Variants in EPHA5 observed in about 807,000 individuals in gnomAD.
The protein encoded by EPHA5 is ephrin type-A receptor 5.
In EPHA5, 60 loss-of-function variants were observed where a neutral mutation model predicts 105.0. The ratio of observed to expected loss-of-function variants is 0.57; its 90% CI spans 0.46 to 0.71. The LOEUF (loss-of-function observed/expected upper bound fraction) is 0.71. Ranked by LOEUF, EPHA5 falls within the 30% of genes least tolerant of loss-of-function variation. EPHA5 has a pLI of 0.00. For missense variants in EPHA5, 1,218 were observed against 1,274.7 expected (o/e 0.96, Z 0.68); for synonymous variants, 513 against 449.1 (o/e 1.14, Z -1.80).
At chr4:65,565,439 T>C (rs560727655) in intron 3 of EPHA5, among the ~76,000 whole-genome samples, 4 of 151,884 alleles carry the variant, frequency 2.6e-5, no homozygotes, top group South Asian at 2.1e-4. Context: ...AAAAGTCATA[T>C]AAATGTTTTT....
At chr4:65,347,144 A>T (rs1382448469) in intron 14 of EPHA5, among the ~76,000 whole-genome samples, 2 of 151,684 alleles carry the variant, frequency 1.3e-5, no homozygotes, top group Admixed American at 6.6e-5. Flanking sequence ...TGAGAGAGGG[A>T]GGTTTTATGG....
At chr4:65,454,778 G>A (rs762186296) in intron 5 of EPHA5, among the ~76,000 whole-genome samples, 10 of 152,204 alleles carry the variant, frequency 6.6e-5, no homozygotes, top group Non-Finnish European at 1.3e-4. Flanking sequence ...TTTAGTGGAA[G>A]TGCATTCAAA....
chr4:65,474,949 G>T (rs1000421791), intron 5 of EPHA5, among the ~76,000 whole-genome samples: 1 of 152,092 alleles, frequency 6.6e-6, no homozygotes, highest in Admixed American at 6.6e-5. Flanking sequence ...AAAATGGTTT[G>T]TCATCTATTT....
intron 8 of EPHA5, among the ~76,000 whole-genome samples, chr4:65,376,130 C>T (rs1718979463): frequency 6.6e-6 from 1 of 151,920 alleles, no homozygotes; most frequent in Non-Finnish European, 1.5e-5. Context: ...AATTACTTTA[C>T]ACCTAGAGAA....
intron 5 of EPHA5, among the ~76,000 whole-genome samples, chr4:65,479,061 C>A (rs1730105321): frequency 6.6e-6 from 1 of 152,006 alleles, no homozygotes; most frequent in African/African-American, 2.4e-5. Context: ...AGTCTAAAAC[C>A]TATTTTTTCC....
At chr4:65,357,184 G>C (rs1019026734) in intron 11 of EPHA5, among the ~76,000 whole-genome samples, 5 of 151,254 alleles carry the variant, frequency 3.3e-5, no homozygotes, top group Non-Finnish European at 7.4e-5. Flanking sequence ...GCAATGTTAT[G>C]GATTTATATT....
At chr4:65,364,910 A>G (rs1717710814) in intron 11 of EPHA5, 107 bp downstream of exon 11, 1 of 857,278 alleles carries the variant, frequency 1.2e-6, no homozygotes, top group Non-Finnish European at 1.7e-6. Flanking sequence ...TTAATATTAG[A>G]GAAATTAATA....
chr4:65,658,269 T>C (rs1361360047), intron 1 of EPHA5, among the ~76,000 whole-genome samples: 2 of 152,066 alleles, frequency 1.3e-5, no homozygotes, highest in African/African-American at 4.8e-5. Context: ...CCGCAGGAGC[T>C]TGGAGTGCAG....
At chr4:65,420,123 C>G (rs527337075) in intron 6 of EPHA5, among the ~76,000 whole-genome samples, 1 of 152,218 alleles carries the variant, frequency 6.6e-6, no homozygotes, top group South Asian at 2.1e-4. Context: ...ACACTGCAGT[C>G]ACTACTGAAA....
At chr4:65,391,494 C>A (rs1484132373) in intron 8 of EPHA5, among the ~76,000 whole-genome samples, 1 of 152,122 alleles carries the variant, frequency 6.6e-6, no homozygotes. Context: ...CATTTTTCAA[C>A]AATGAGTATA....
intron 5 of EPHA5, among the ~76,000 whole-genome samples, chr4:65,448,575 G>A (rs1726783982): frequency 6.6e-6 from 1 of 152,152 alleles, no homozygotes; most frequent in Non-Finnish European, 1.5e-5. Context: ...TTGAACCCAG[G>A]AGGCAGAGGT....
chr4:65,402,159 C>T (rs79063828), intron 8 of EPHA5, among the ~76,000 whole-genome samples: 3,620 of 152,142 alleles, frequency 0.024, 57 homozygotes, highest in Admixed American at 0.059. Flanking sequence ...CAGCACTTCT[C>T]CTTCCTGTTG....
At chr4:65,411,634 T>C (rs1396029701) in intron 7 of EPHA5, among the ~76,000 whole-genome samples, 1 of 151,990 alleles carries the variant, frequency 6.6e-6, no homozygotes, top group Non-Finnish European at 1.5e-5. Context: ...CGAGGAAAAA[T>C]ACCAATAGGT....
At chr4:65,427,185 CTTTT>C (rs11443682) in intron 5 of EPHA5, among the ~76,000 whole-genome samples, 1 of 129,100 alleles carries the variant, frequency 7.7e-6, no homozygotes, top group African/African-American at 2.9e-5. Flanking sequence ...CGAGTGTATT[CTTTT>C]TTTTTTTTTT....
intron 3 of EPHA5, among the ~76,000 whole-genome samples, chr4:65,599,461 A>T (rs1284522186): frequency 1.3e-5 from 2 of 152,072 alleles, no homozygotes; most frequent in African/African-American, 4.8e-5. Context: ...AGCCCTCAAG[A>T]TGTATTTATT....
rs1735030751 is a variant in EPHA5 at position 65,524,293 on chromosome 4, T to C, written c.911-28750A>G. Among the ~76,000 whole-genome samples, 3 of 151,802 alleles carry C rather than the reference T, an allele frequency of 2.0e-5. No homozygotes were observed. In the South Asian group the frequency reaches 6.2e-4, roughly 31 times the overall value. ...AGTCTACAAAGTAAAAAAGATACTG[T>C]GCTTTGTCTAACTAGCCAGAGATGA... is the stretch of plus-strand genomic sequence containing the variant. On this transcript the variant is annotated intron_variant, in intron 3 of 16. Transcript: ENST00000613740.
At chr4:65,430,842 T>C (rs1724901386) in intron 5 of EPHA5, among the ~76,000 whole-genome samples, 1 of 152,162 alleles carries the variant, frequency 6.6e-6, no homozygotes, top group Non-Finnish European at 1.5e-5. Context: ...TTTGAGTATA[T>C]AAATGTCTTA....
At chr4:65,661,100 C>T (rs1266232914) in intron 1 of EPHA5, among the ~76,000 whole-genome samples, 1 of 152,014 alleles carries the variant, frequency 6.6e-6, no homozygotes, top group Non-Finnish European at 1.5e-5. Context: ...GTAGGCAGTA[C>T]CATTATTGCC....
chr4:65,614,253 C>G (rs1036394451), intron 2 of EPHA5, among the ~76,000 whole-genome samples: 1 of 151,784 alleles, frequency 6.6e-6, no homozygotes, highest in South Asian at 2.1e-4. Context: ...TTAAAACAAG[C>G]TGTTAACTGC....
Sources: gnomAD v4.1 joint callset for allele counts (sites outside exome capture counted in the v4.1 genomes callset) on GRCh38, gnomAD v4.1.1 for gene constraint, MANE v1.5 for transcripts, NCBI Gene and HGNC (gene_info 2026-07-23, HGNC 2026-07-21) for gene names.